The following ZNG1C variants were observed in gnomAD, a reference collection of about 807,000 sequenced individuals.
The protein encoded by ZNG1C is Zn regulated GTPase metalloprotein activator 1C, also known as zinc-regulated GTPase metalloprotein activator 1C.
At chr9:68,272,524 GA>G in the ZNG1C span, 1 of 60,606 alleles carries the variant, frequency 1.7e-5, no homozygotes, top group South Asian at 5.0e-4. Flanking sequence ...TGATGCCATG[GA>G]AATTAGTTTT....
the ZNG1C span, among the ~76,000 whole-genome samples, chr9:68,276,635 G>C: frequency 8.2e-4 from 110 of 134,574 alleles, no homozygotes; most frequent in African/African-American, 3.0e-3. Flanking sequence ...CGTTATTTCT[G>C]AGGGCTCTGT....
chr9:68,294,017 TC>T, the ZNG1C span, among the ~76,000 whole-genome samples: 6 of 151,262 alleles, frequency 4.0e-5, no homozygotes, highest in South Asian at 6.3e-4. Flanking sequence ...AAACTGGAAA[TC>T]AACTCCAAAA....
chr9:68,268,697 T>G, the ZNG1C span, among the ~76,000 whole-genome samples: 1 of 152,252 alleles, frequency 6.6e-6, no homozygotes, highest in Non-Finnish European at 1.5e-5. Flanking sequence ...GTTGTGTGAA[T>G]TTTTGCATAT....
chr9:68,268,706 A>G, the ZNG1C span, among the ~76,000 whole-genome samples: 2 of 152,218 alleles, frequency 1.3e-5, no homozygotes. Context: ...ATTTTTGCAT[A>G]TATGTTTTAT....
At chr9:68,265,038 A>T in the ZNG1C span, among the ~76,000 whole-genome samples, 2 of 97,446 alleles carry the variant, frequency 2.1e-5, no homozygotes, top group Admixed American at 1.1e-4. Context: ...GCATTTTTTT[A>T]TTTTATTTAT....
At chr9:68,272,218 G>A in the ZNG1C span, among the ~76,000 whole-genome samples, 114 of 131,958 alleles carry the variant, frequency 8.6e-4, no homozygotes, top group East Asian at 0.018. Flanking sequence ...AACCCTCTTC[G>A]TTTTCACTCT....
the ZNG1C span, chr9:68,273,314 GGGT>G: frequency 1.3e-4 from 1 of 7,450 alleles, no homozygotes; most frequent in Admixed American, 9.7e-4. Context: ...GCGGGGGGAG[GGGT>G]GGGGGGTGAA....
At chr9:68,269,618 T>G in the ZNG1C span, 1 of 383,684 alleles carries the variant, frequency 2.6e-6, no homozygotes, top group Non-Finnish European at 2.9e-6. Flanking sequence ...GCTGATAGAC[T>G]CAGCAACAGG....
At chr9:68,287,574 G>A in the ZNG1C span, among the ~76,000 whole-genome samples, 1 of 152,298 alleles carries the variant, frequency 6.6e-6, no homozygotes, top group Non-Finnish European at 1.5e-5. Flanking sequence ...ATTTTAATAG[G>A]AAATTTCAAA....
the ZNG1C span, among the ~76,000 whole-genome samples, chr9:68,264,821 T>TTATATATATA: frequency 1.0e-3 from 25 of 24,924 alleles, no homozygotes; most frequent in African/African-American, 2.6e-3. Flanking sequence ...GGATTGAAGA[T>TTATATATATA]TATATATATA....
the ZNG1C span, among the ~76,000 whole-genome samples, chr9:68,247,446 G>A: frequency 6.6e-6 from 1 of 151,580 alleles, no homozygotes; most frequent in African/African-American, 2.4e-5. Flanking sequence ...CTAAAATAAT[G>A]TAGTGTACTG....
chr9:68,247,188 T>A, the ZNG1C span, among the ~76,000 whole-genome samples: 82,901 of 128,724 alleles, frequency 0.64, 22,070 homozygotes, highest in Middle Eastern at 0.77. Context: ...TTCAGCAGTT[T>A]GTCTAACAGA....
the ZNG1C span, chr9:68,259,567 A>G: frequency 2.8e-6 from 1 of 353,176 alleles, no homozygotes; most frequent in Non-Finnish European, 5.5e-6. Flanking sequence ...GCTGGAGTGC[A>G]GTGGCACCAT....
At chr9:68,294,213 A>C in the ZNG1C span, among the ~76,000 whole-genome samples, 129 of 127,426 alleles carry the variant, frequency 1.0e-3, no homozygotes, top group South Asian at 0.017. Context: ...CTAAATGCCT[A>C]CATCAAAAAG....
At chr9:68,248,670 G>T in the ZNG1C span, 2 of 54,146 alleles carry the variant, frequency 3.7e-5, no homozygotes, top group Admixed American at 2.7e-4. Flanking sequence ...TTGTTAGAAG[G>T]TTAGAAGTGA....
At chr9:68,259,817 T>G in the ZNG1C span, among the ~76,000 whole-genome samples, 1 of 151,886 alleles carries the variant, frequency 6.6e-6, no homozygotes, top group Admixed American at 6.5e-5. Flanking sequence ...TGCCTGAACT[T>G]GTTAATGTTT....
At chr9:68,285,204 A>C in the ZNG1C span, 2 of 20,220 alleles carry the variant, frequency 9.9e-5, no homozygotes, top group Non-Finnish European at 1.5e-4. Context: ...CCCTACTAGG[A>C]CCCCCCCAAA....
At chr9:68,296,836 A>G in the ZNG1C span, among the ~76,000 whole-genome samples, 1 of 151,132 alleles carries the variant, frequency 6.6e-6, no homozygotes, top group Non-Finnish European at 1.5e-5. Flanking sequence ...GTTAGAGGAA[A>G]TGTTAAGCTT....
chr9:68,256,090 G>A, the ZNG1C span, among the ~76,000 whole-genome samples: 11 of 152,278 alleles, frequency 7.2e-5, no homozygotes, highest in African/African-American at 2.7e-4. Context: ...TGATGCTTGG[G>A]GGACCACATC....
Sources: gnomAD v4.1 joint callset for allele counts (sites outside exome capture counted in the v4.1 genomes callset) on GRCh38, gnomAD v4.1.1 for gene constraint, MANE v1.5 for transcripts, NCBI Gene and HGNC (gene_info 2026-07-23, HGNC 2026-07-21) for gene names.